The following NXPE1 variants were observed in gnomAD, a reference collection of about 807,000 sequenced individuals.
NXPE1 encodes the protein NXPE family member 1.
NXPE1 carries 31 observed loss-of-function variants against 33.3 expected under a neutral mutation model. That is an observed-to-expected ratio of 0.93 (90% CI 0.70 to 1.26). NXPE1 has a LOEUF of 1.26. Among genes scored for constraint, NXPE1 ranks in the 50% most tolerant of loss-of-function variants. The pLI is 0.00. For missense variants in NXPE1, 661 were observed against 655.6 expected, an observed-to-expected ratio of 1.01 and a Z score of -0.09; for synonymous variants, 229 against 231.4, an observed-to-expected ratio of 0.99 and a Z score of 0.09.
chr11:114,534,281 CT>C (rs1347407381), intron 5 of NXPE1, among the ~76,000 whole-genome samples: 1 of 152,210 alleles, frequency 6.6e-6, no homozygotes, highest in Admixed American at 6.5e-5. Flanking sequence ...CAAAACCCAT[CT>C]GTACATAACC....
rs1565294811 is a variant in NXPE1 at position 114,522,515 on chromosome 11, AC to A, written c.1109-13del. On this transcript the variant is annotated splice_polypyrimidine_tract_variant and intron_variant, in intron 8 of 8. Transcript: ENST00000534921. ...AAAAAACTTCAGTGCTGATAAAAAA[AC>A]AAATAGATGTTTTAAATAGAAGATA... The A allele has an allele frequency of 3.8e-6, 6 of 1,561,198 alleles. No homozygotes were observed. Among genetic ancestry groups the A allele is most frequent in the South Asian group, 2.4e-5 (2 of 83,728 alleles).
In NXPE1 at chr11:114,545,532, A is replaced by G. The variant is rs528864802; in HGVS notation, c.99+5571T>C. On this transcript the variant is annotated intron_variant, in intron 5 of 8. Transcript: ENST00000534921. ...GAAAAAGGTGGTTCTATAGAGATCA[A>G]AAACCAATCAATGGTTGCCAGAGAT... is the stretch of plus-strand genomic sequence containing the variant. Among the ~76,000 whole-genome samples, 5 of 152,314 alleles carry G rather than the reference A, an allele frequency of 3.3e-5. No individual in the cohort carries two copies. In the South Asian group the frequency reaches 1.0e-3, roughly 32 times the overall value.
At chr11:114,525,570 C>T (rs1055840665) in intron 7 of NXPE1, among the ~76,000 whole-genome samples, 8 of 152,076 alleles carry the variant, frequency 5.3e-5, no homozygotes, top group Admixed American at 2.0e-4. Flanking sequence ...TTCCCCCTTC[C>T]CCCCTTACTA....
chr11:114,538,414 C>T (rs1327587220), intron 5 of NXPE1, among the ~76,000 whole-genome samples: 6 of 152,030 alleles, frequency 3.9e-5, no homozygotes, highest in African/African-American at 1.5e-4. Flanking sequence ...GCAACAAAAG[C>T]CAAAATTGAC....
At chr11:114,527,935 G>A (rs775144629) in intron 6 of NXPE1, 34 bp from the exon 7 acceptor site, 3 of 1,522,938 alleles carry the variant, frequency 2.0e-6, no homozygotes, top group Non-Finnish European at 2.7e-6. Flanking sequence ...AAATTAGCCT[G>A]CTCTCTGCCC....
chr11:114,528,119 C>G (rs765431813), intron 6 of NXPE1, among the ~76,000 whole-genome samples: 3 of 152,110 alleles, frequency 2.0e-5, no homozygotes, highest in Non-Finnish European at 2.9e-5. Context: ...GCAGCTCTAC[C>G]GATCTGCCAC....
intron 8 of NXPE1, 72 bp downstream of exon 8, chr11:114,522,807 A>G: frequency 9.3e-7 from 1 of 1,072,552 alleles, no homozygotes; most frequent in Non-Finnish European, 1.4e-6. Context: ...CTCAAACGAG[A>G]GAATAGAGAC....
chr11:114,554,046 C>T (rs967096599), intron 1 of NXPE1: 8 of 985,480 alleles, frequency 8.1e-6, no homozygotes, highest in Non-Finnish European at 9.6e-6. Context: ...TTCTTCTCCC[C>T]ATCTTTGTGA....
chr11:114,521,843 C>A (rs1342184833), exon 9 of NXPE1: 3 of 728,002 alleles, frequency 4.1e-6, no homozygotes, highest in Non-Finnish European at 6.7e-6. Context: ...CATAGCCTTC[C>A]TCCCCAAACA....
chr11:114,536,623 A>G lies in NXPE1; in HGVS notation c.100-5715T>C, dbSNP rs574471135. 3.7e-3 allele frequency among the ~76,000 whole-genome samples: 562 copies of G among 152,356 alleles called. 3 individuals carry two copies. The highest frequency in any genetic ancestry group is 5.7e-3 in the Non-Finnish European group (388 of 68,028). On this transcript the variant is annotated intron_variant, in intron 5 of 8. Transcript: ENST00000534921. ...ATATCACCACCGATCCCACAGAAAT[A>G]CAAACTACCATCAGAGAATACTATA...
intron 7 of NXPE1, 68 bp downstream of exon 7, chr11:114,527,772 A>G: frequency 5.6e-6 from 6 of 1,066,016 alleles, no homozygotes; most frequent in Non-Finnish European, 8.2e-6. Context: ...GAGAACTACA[A>G]TTATTTAGGT....
intron 5 of NXPE1, among the ~76,000 whole-genome samples, chr11:114,544,467 A>G (rs530605113): frequency 4.6e-5 from 7 of 152,362 alleles, no homozygotes; most frequent in Non-Finnish European, 5.9e-5. Context: ...CACAAAGGCA[A>G]TTTGATGGAA....
exon 9 of NXPE1, chr11:114,522,160 G>A: frequency 6.2e-7 from 1 of 1,613,966 alleles, no homozygotes; most frequent in South Asian, 1.1e-5. Context: ...CTGTCTCTAT[G>A]TGCATCTCCC....
exon 6 of NXPE1, chr11:114,530,542 C>T (rs762080700): frequency 2.2e-5 from 35 of 1,613,900 alleles, no homozygotes; most frequent in Non-Finnish European, 1.5e-5. Flanking sequence ...AAGTCCATCA[C>T]CTTTCCTGAA....
At chr11:114,549,412 G>A (rs1376008837) in intron 5 of NXPE1, among the ~76,000 whole-genome samples, 1 of 151,938 alleles carries the variant, frequency 6.6e-6, no homozygotes, top group Non-Finnish European at 1.5e-5. Flanking sequence ...TCATAATTCA[G>A]AGAGTTTTAT....
chr11:114,520,328 T>A (rs959769521), downstream of NXPE1, among the ~76,000 whole-genome samples: 5 of 152,194 alleles, frequency 3.3e-5, no homozygotes, highest in Admixed American at 6.5e-5. Context: ...TTAAGTTCCA[T>A]ATATAAGTGA....
In NXPE1 at chr11:114,530,413, C is replaced by T. The variant is rs779918563; in HGVS notation, c.595G>A (p.Gly199Ser). 1.9e-6 allele frequency: 3 copies of T among 1,614,206 alleles called. No homozygotes were observed. In the Admixed American group the frequency reaches 5.0e-5, roughly 27 times the overall value. The change falls in exon 6 of 9, where the codon GGC (glycine) becomes AGC (serine). Residue 199 changes from glycine to serine, a missense_variant. Coordinates refer to ENST00000534921, the Ensembl canonical transcript of NXPE1. ...CCTTTGAAAATAATTTTATCATAGC[C>T]TTGGTTCCTTGCCCTCCAGAGAGCC...
At chr11:114,538,936 A>G (rs1030893666) in intron 5 of NXPE1, among the ~76,000 whole-genome samples, 2 of 152,168 alleles carry the variant, frequency 1.3e-5, no homozygotes, top group East Asian at 1.9e-4. Flanking sequence ...ATTACTGGGT[A>G]TATACCCAAA....
intron 7 of NXPE1, among the ~76,000 whole-genome samples, chr11:114,524,965 T>TATATCTA (rs1947326010): frequency 6.6e-6 from 1 of 152,162 alleles, no homozygotes; most frequent in African/African-American, 2.4e-5. Context: ...GTTTATCTAG[T>TATATCTA]GTTTCTTGTA....
Sources: allele counts gnomAD v4.1 joint callset (sites outside exome capture counted in the v4.1 genomes callset), GRCh38; gene constraint gnomAD v4.1.1; transcripts MANE v1.5; gene names NCBI Gene and HGNC (gene_info 2026-07-23, HGNC 2026-07-21).